Variants in BHLHE41 observed in about 807,000 individuals in gnomAD.
The protein encoded by BHLHE41 is basic helix-loop-helix family member e41, also known as class E basic helix-loop-helix protein 41.
A neutral mutation model predicts 24.0 loss-of-function variants in BHLHE41; 14 were observed. That is an observed-to-expected ratio of 0.58 (90% CI 0.39 to 0.91). The LOEUF is 0.91. Among genes scored for constraint, BHLHE41 ranks in the 40% least tolerant of loss-of-function variants. BHLHE41 has a pLI of 0.00. For synonymous variants in BHLHE41, 394 were observed against 315.5 expected, an observed-to-expected ratio of 1.25 and a Z score of -2.64; for missense variants, 674 against 655.4, an observed-to-expected ratio of 1.03 and a Z score of -0.31.
At position 26,122,288 on chromosome 12, in the gene BHLHE41, GGCGGCGGCGGCA is replaced by G. The variant is rs974422055; in HGVS notation, c.1215_1226del (p.Ala408_Ala411del). On this transcript the variant is annotated inframe_deletion, in exon 5 of 5. Coordinates refer to ENST00000242728, the MANE Select transcript of BHLHE41 (RefSeq NM_030762.3). Reference sequence around the variant, plus strand: ...CCGAGGACAGGCAGGGGAACGCGGCGGCGGCGGCGGCAGCGGCGGCGGCGGCTGCCGCGGCTG... The same window carrying G: ...CCGAGGACAGGCAGGGGAACGCGGCGGCGGCGGCGGCGGCTGCCGCGGCTG... 3.4e-4 allele frequency: 405 copies of G among 1,197,034 alleles called. 3 individuals carry two copies. Among genetic ancestry groups the G allele is most frequent in the South Asian group, 1.2e-4 (3 of 24,040 alleles). 74.2% of individuals were successfully genotyped at this position (1,197,034 alleles called of 1,614,324 possible).
chr12:26,122,421 G>A lies in BHLHE41; in HGVS notation c.1094C>T (p.Pro365Leu). 7.4e-7 allele frequency: 1 copy of A among 1,343,018 alleles called. No homozygotes were observed. Among genetic ancestry groups the A allele is most frequent in the Non-Finnish European group, 9.6e-7 (1 of 1,037,212 alleles). 83.2% of individuals were successfully genotyped at this position (1,343,018 alleles called of 1,614,324 possible). A position where few individuals can be genotyped will look rare whatever the true frequency, so the allele number is the denominator to read the frequency against. Residue 365 changes from proline (P) to leucine (L), a missense_variant, in exon 5 of 5, where the codon CCC becomes CTC. Physicochemically the swap from Pro to Leu is moderately conservative, Grantham distance 98. Coordinates refer to ENST00000242728, the MANE Select transcript of BHLHE41 (RefSeq NM_030762.3). ...CTCCAGGCCGCTCTTGTCCAGGAAG[G>A]GCTGCACGTAGGCGGCAGCTGCAGA... ...SPSAAAAYVQ[P>L]FLDKSGLEKY...
intron 2 of BHLHE41, 66 bp downstream of exon 2, chr12:26,124,453 G>C (rs1944344374): frequency 3.0e-5 from 46 of 1,527,292 alleles, no homozygotes; most frequent in Non-Finnish European, 4.2e-5. Flanking sequence ...GAGCTTCACT[G>C]TGAAATCAAT....
chr12:26,123,610 G>T lies in BHLHE41; in HGVS notation c.346+20C>A, dbSNP rs774688430. 2.6e-6 allele frequency: 4 copies of T among 1,557,322 alleles called. No individual in the cohort carries two copies. In the East Asian group the frequency reaches 6.7e-5, roughly 26 times the overall value. On this transcript the variant is annotated intron_variant, in intron 4 of 4. Transcript: ENST00000242728. ...TGCCCCGCTTCATCAGGGTAGGCTGGCCTCCCTGAACTGACTTACCATTCT... is the reference window on the plus strand; with the variant it reads ...TGCCCCGCTTCATCAGGGTAGGCTGTCCTCCCTGAACTGACTTACCATTCT...
At position 26,123,158 on chromosome 12, in the gene BHLHE41, A is replaced by G. The variant is rs1409129104; in HGVS notation, c.357T>C (p.Ser119=). Residue 119 remains serine, a synonymous_variant, in exon 5 of 5, where the codon TCT becomes TCC. Coordinates refer to ENST00000242728, the MANE Select transcript of BHLHE41 (RefSeq NM_030762.3). ...KIIALQNGER[S]LKSPIQSDLD... ...AGTCGGACTGAATGGGCGATTTCAG[A>G]GATCGCTCCCCTAGGATGAGGAAGG... 11 of 1,593,846 alleles carry G rather than the reference A, an allele frequency of 6.9e-6. No individual in the cohort carries two copies. In the South Asian group the frequency reaches 1.2e-4, roughly 18 times the overall value.
chr12:26,123,651 T>C lies in BHLHE41; in HGVS notation c.325A>G (p.Lys109Glu). The C allele has an allele frequency of 1.9e-6, 3 of 1,613,594 alleles. No homozygotes were observed. The highest frequency in any genetic ancestry group is 2.5e-6 in the Non-Finnish European group (3 of 1,179,458). Residue 109 changes from lysine to glutamate, a missense_variant, in exon 4 of 5, where the codon AAG becomes GAG. Physicochemically the swap from Lys to Glu is moderately conservative, Grantham distance 56. Transcript: ENST00000242728. The part of the protein sequence containing the change: ...LTALTEQQHQ[K>E]IIALQNGERS... ...TTACCATTCTGTAAAGCAATTATCT[T>C]CTGATGCTGTTGCTCGGTTAAGGCG...
Position 26,122,760 on chromosome 12 carries a change from C to T in BHLHE41, c.755G>A (p.Arg252His), listed in dbSNP as rs747145811. 1 of 1,593,774 alleles carries T rather than the reference C, an allele frequency of 6.3e-7. No individual in the cohort carries two copies. The highest frequency in any genetic ancestry group is 8.5e-7 in the Non-Finnish European group (1 of 1,175,672). The change falls in exon 5 of 5, where the codon CGC (arginine) becomes CAC (histidine). Residue 252 changes from arginine (R) to histidine (H), a missense_variant. By Grantham distance (29) the Arg-to-His change is conservative. Coordinates refer to ENST00000242728, the MANE Select transcript of BHLHE41 (RefSeq NM_030762.3). ...YGGEAEARPDREKGKGAGASR... is the reference protein window; with the variant it reads ...YGGEAEARPDHEKGKGAGASR... ...CGCCCCCGCGCCTTTGCCTTTCTCG[C>T]GGTCCGGCCGGGCCTCGGCTTCGCC...
Position 26,122,485 on chromosome 12 carries a change from C to A in BHLHE41, c.1030G>T (p.Ala344Ser), listed in dbSNP as rs980118820. 7.5e-7 allele frequency: 1 copy of A among 1,331,454 alleles called. No individual in the cohort carries two copies. The highest frequency in any genetic ancestry group is 2.8e-5 in the Admixed American group (1 of 35,428). The allele number at this position is 1,331,454 out of a possible 1,614,324, so 82.5% of individuals were successfully genotyped here. The stretch of plus-strand genomic sequence containing the variant: ...CAGAAGGGCAGGCAGAAGGGGGCCG[C>A]GGCGGCCGCGGGCTGCGGGAAGGGC... ...GAPFPQPAAA[A>S]APFCLPFCFL... The change falls in exon 5 of 5, where the codon GCG (alanine) becomes TCG (serine). Residue 344 changes from alanine to serine, a missense_variant. By Grantham distance (99) the Ala-to-Ser change is moderately conservative. This residue lies in a region of BHLHE41 where 602 missense variants were observed against 570.8 expected (regional missense o/e 1.05). Coordinates refer to ENST00000242728, the MANE Select transcript of BHLHE41 (RefSeq NM_030762.3).
chr12:26,122,965 C>T lies in BHLHE41; in HGVS notation c.550G>A (p.Val184Ile), dbSNP rs199919168. The change falls in exon 5 of 5, where the codon GTC (valine) becomes ATC (isoleucine). Residue 184 changes from valine to isoleucine, a missense_variant. This residue lies in a region of BHLHE41 where 602 missense variants were observed against 570.8 expected (regional missense o/e 1.05). Transcript: ENST00000242728. ...GCGCCGGTGCCTTTGCTCAGAGGGA[C>T]CTGTTGAGTCAACAGCTGCGGGGTG... ...LPTPQLLTQQ[V>I]PLSKGTGAPS... is the part of the protein sequence containing the mutation. 1.2e-3 allele frequency: 1,949 copies of T among 1,561,184 alleles called. 2 individuals are homozygous for T. The highest frequency in any genetic ancestry group is 1.6e-3 in the Non-Finnish European group (1,805 of 1,152,236).
Position 26,124,742 on chromosome 12 carries a change from A to G in BHLHE41, c.38T>C (p.Leu13Ser), listed in dbSNP as rs547646593. The change falls in exon 1 of 5, where the codon TTA becomes TCA. Residue 13 changes from leucine to serine, a missense_variant. This residue lies in a region of BHLHE41 where 67 missense variants were observed against 62.4 expected (regional missense o/e 1.07). Coordinates refer to ENST00000242728, the MANE Select transcript of BHLHE41 (RefSeq NM_030762.3). Reference sequence around the variant, plus strand: ...CCCTATAAAATCTCTATGTTCCAGTAACTGTCTCTCTTGCAAATGAGGAAT... The same window carrying G: ...CCCTATAAAATCTCTATGTTCCAGTGACTGTCTCTCTTGCAAATGAGGAAT... ...EGIPHLQERQLLEHRDFIGLD... is the reference protein window; with the variant it reads ...EGIPHLQERQSLEHRDFIGLD... 2 of 1,614,200 alleles carry G rather than the reference A, an allele frequency of 1.2e-6. No homozygotes were observed. The highest frequency in any genetic ancestry group is 2.2e-5 in the East Asian group (1 of 44,884).
chr12:26,122,267 G>A lies in BHLHE41; in HGVS notation c.1248C>T (p.Ser416=), dbSNP rs1258744285. Residue 416 remains serine, a synonymous_variant, in exon 5 of 5, where the codon TCC becomes TCT. Coordinates refer to ENST00000242728, the MANE Select transcript of BHLHE41 (RefSeq NM_030762.3). ...TCTCGGGAGGGGGCGACAACACCGA[G>A]GACAGGCAGGGGAACGCGGCGGCGG... is the stretch of plus-strand genomic sequence containing the variant. The part of the protein sequence containing the change: ...AAAAAAFPCL[S]SVLSPPPEKA... The A allele has an allele frequency of 1.6e-6, 2 of 1,221,922 alleles. No individual in the cohort carries two copies. Among genetic ancestry groups the A allele is most frequent in the Non-Finnish European group, 2.0e-6 (2 of 981,622 alleles). 75.7% of individuals were successfully genotyped at this position (1,221,922 alleles called of 1,614,324 possible).
In BHLHE41 at chr12:26,122,442, G is replaced by T. The variant is rs1262635418; in HGVS notation, c.1073C>A (p.Ala358Glu). Residue 358 changes from alanine (A) to glutamate (E), a missense_variant, in exon 5 of 5, where the codon GCA (alanine) becomes GAA (glutamate). Coordinates refer to ENST00000242728, the MANE Select transcript of BHLHE41 (RefSeq NM_030762.3). ...GAAGGGCTGCACGTAGGCGGCAGCT[G>T]CAGAAGGCGAGAGGAAGCAGAAGGG... ...CLPFCFLSPSAAAAYVQPFLD... is the reference protein window; with the variant it reads ...CLPFCFLSPSEAAAYVQPFLD... 1 of 1,356,698 alleles carries T rather than the reference G, an allele frequency of 7.4e-7. No individual in the cohort carries two copies. The highest frequency in any genetic ancestry group is 9.6e-7 in the Non-Finnish European group (1 of 1,044,202). 84.0% of individuals were successfully genotyped at this position (1,356,698 alleles called of 1,614,324 possible). A position where few individuals can be genotyped will look rare whatever the true frequency, so the allele number is the denominator to read the frequency against.
rs1455927378 is a variant in BHLHE41, at chr12:26,123,228, C to G, written c.347-60G>C. On this transcript the variant is annotated intron_variant, in intron 4 of 4. Transcript: ENST00000242728. The stretch of plus-strand genomic sequence containing the variant: ...GGAGTGGAGGCAAGAAGAAACATAC[C>G]CACGTTAAAACATCTGCTTATCACG... 17 of 1,510,562 alleles carry G rather than the reference C, an allele frequency of 1.1e-5. No individual in the cohort carries two copies. In the Admixed American group the frequency reaches 3.1e-4, roughly 27 times the overall value. 93.6% of individuals were successfully genotyped at this position (1,510,562 alleles called of 1,614,324 possible). A position where few individuals can be genotyped will look rare whatever the true frequency, so the allele number is the denominator to read the frequency against.
In BHLHE41 at chr12:26,124,823, T is replaced by A. The variant is rs1255625353; in HGVS notation, c.-44A>T. Reference sequence around the variant, plus strand: ...TCCTCTGTTTCGATTTTTGGGGCTCTGTACAATAATCTGTGGGACGGTAGG... The same window carrying A: ...TCCTCTGTTTCGATTTTTGGGGCTCAGTACAATAATCTGTGGGACGGTAGG... On this transcript the variant is annotated 5_prime_UTR_variant, in exon 1 of 5. Transcript: ENST00000242728. 6.3e-7 allele frequency: 1 copy of A among 1,596,322 alleles called. No homozygotes were observed. Among genetic ancestry groups the A allele is most frequent in the Non-Finnish European group, 8.6e-7 (1 of 1,164,360 alleles).
At position 26,122,073 on chromosome 12, in the gene BHLHE41, G is replaced by A. The variant is rs1944310415; in HGVS notation, c.1442C>T (p.Ala481Val). Residue 481 changes from alanine (A) to valine (V), a missense_variant, in exon 5 of 5, where the codon GCT becomes GTT. Around this residue, in one of 3 missense-constraint regions of BHLHE41, gnomAD observed 602 missense variants for 570.8 expected, o/e 1.05. Transcript: ENST00000242728. ...QEDPSQPGKE[A>V]P ...CCTTCGGGACGCAAGGATTCAGGGA[G>A]CTTCCTTTCCTGGCTGCGAGGGATC... The A allele has an allele frequency of 6.5e-7, 1 of 1,549,698 alleles. No individual in the cohort carries two copies.
At position 26,121,820 on chromosome 12, in the gene BHLHE41, C is replaced by A; in HGVS notation, c.*246G>T. On this transcript the variant is annotated 3_prime_UTR_variant, in exon 5 of 5. Transcript: ENST00000242728. ...GTCTTTCGCATAGGATCTTTTACAG[C>A]TGGTGGGGGGAAGAAAGGGATGTTA... 2 of 876,232 alleles carry A rather than the reference C, an allele frequency of 2.3e-6. No individual in the cohort carries two copies. Among genetic ancestry groups the A allele is most frequent in the South Asian group, 2.0e-5 (1 of 50,978 alleles). The allele number at this position is 876,232 out of a possible 1,614,324, so 54.3% of individuals were successfully genotyped here. A position where few individuals can be genotyped will look rare whatever the true frequency, so the allele number is the denominator to read the frequency against.
chr12:26,124,008 G>T, intron 3 of BHLHE41, 64 bp downstream of exon 3: 1 of 1,089,380 alleles, frequency 9.2e-7, no homozygotes, highest in Admixed American at 1.8e-5. Context: ...ATATTTTCTG[G>T]GAGTCGCACC....
chr12:26,122,005 T>A lies in BHLHE41; in HGVS notation c.*61A>T, dbSNP rs1230366554. On this transcript the variant is annotated 3_prime_UTR_variant, in exon 5 of 5. Transcript: ENST00000242728. ...TTTAACTTCTCACTCTGCTTGAACC[T>A]CCTTAAGGGTATTTTAACTTCTCAC... 10 of 1,544,294 alleles carry A rather than the reference T, an allele frequency of 6.5e-6. No homozygotes were observed. The African/African-American group carries it at 1.1e-4, about 17-fold the overall frequency.
rs1944308908 is a variant in BHLHE41 at position 26,121,937 on chromosome 12, C to A, written c.*129G>T. 1 of 1,535,306 alleles carries A rather than the reference C, an allele frequency of 6.5e-7. No homozygotes were observed. The highest frequency in any genetic ancestry group is 2.5e-5 in the East Asian group (1 of 40,222). On this transcript the variant is annotated 3_prime_UTR_variant, in exon 5 of 5. Coordinates refer to ENST00000242728, the MANE Select transcript of BHLHE41 (RefSeq NM_030762.3). ...TTTTGTTGTTCTTGTTTATGCCTGT[C>A]GTGCATCTATTACACTTCCTCCCTT...
At chr12:26,124,632 C>G in intron 1 of BHLHE41, 50 bp from the exon 2 acceptor site, 2 of 1,612,762 alleles carry the variant, frequency 1.2e-6, no homozygotes, top group Non-Finnish European at 1.7e-6. Flanking sequence ...GGGGCTCTGC[C>G]CTCGCCAGCT....
Sources: gnomAD v4.1 joint callset for allele counts on GRCh38, gnomAD v4.1.1 for gene constraint, gnomAD v4.1.1 regional missense constraint, MANE v1.5 for transcripts, NCBI Gene and HGNC (gene_info 2026-07-23, HGNC 2026-07-21) for gene names.